SHMT1: variants seen among roughly 807,000 people sequenced by gnomAD.
SHMT1 encodes serine hydroxymethyltransferase, cytosolic.
In SHMT1, 45 loss-of-function variants were observed where a neutral mutation model predicts 49.0. The observed-to-expected ratio is 0.92, with a 90% CI of 0.72 to 1.18. The LOEUF (loss-of-function observed/expected upper bound fraction) is 1.18, where lower values mean the gene tolerates loss of function less well. Among genes scored for constraint, SHMT1 ranks in the 50% most tolerant of loss-of-function variants. The pLI is 0.00. For synonymous variants in SHMT1, 232 were observed against 246.6 expected, an observed-to-expected ratio of 0.94 and a Z score of 0.55; for missense variants, 541 against 612.4, an observed-to-expected ratio of 0.88 and a Z score of 1.23.
At chr17:18,356,334 G>A (rs994602200) in intron 1 of SHMT1, among the ~76,000 whole-genome samples, 8 of 151,658 alleles carry the variant, frequency 5.3e-5, no homozygotes, top group East Asian at 1.9e-4. Context: ...CAGCCACCGC[G>A]CCCCACCTAT....
At chr17:18,348,726 G>C in intron 3 of SHMT1, 1 of 541,806 alleles carries the variant, frequency 1.8e-6, no homozygotes, top group Non-Finnish European at 3.6e-6. Context: ...TATAATCCCA[G>C]CACTTTGAGG....
At chr17:18,336,766 G>C (rs940547196) in intron 7 of SHMT1, among the ~76,000 whole-genome samples, 1 of 151,988 alleles carries the variant, frequency 6.6e-6, no homozygotes, top group Non-Finnish European at 1.5e-5. Context: ...GCAACAAAGA[G>C]AGAACCCATG....
At chr17:18,346,757 G>A (rs1000321158) in intron 5 of SHMT1, among the ~76,000 whole-genome samples, 3 of 152,134 alleles carry the variant, frequency 2.0e-5, no homozygotes, top group Non-Finnish European at 4.4e-5. Context: ...GGACACTGTG[G>A]TACCCTCCAC....
At chr17:18,358,993 T>C (rs1335191343) in intron 1 of SHMT1, among the ~76,000 whole-genome samples, 1 of 152,108 alleles carries the variant, frequency 6.6e-6, no homozygotes, top group Admixed American at 6.6e-5. Context: ...CAGTGGCTCA[T>C]GCCTGTAATC....
At chr17:18,351,862 A>G (rs185445544) in intron 3 of SHMT1, among the ~76,000 whole-genome samples, 20 of 151,964 alleles carry the variant, frequency 1.3e-4, no homozygotes, top group Admixed American at 5.2e-4. Flanking sequence ...TTTTAAATTT[A>G]GAAACAGGGT....
At chr17:18,355,349 G>A (rs181131243) in intron 2 of SHMT1, among the ~76,000 whole-genome samples, 54 of 123,566 alleles carry the variant, frequency 4.4e-4, no homozygotes, top group African/African-American at 1.4e-3. Flanking sequence ...CAGCCTGGGC[G>A]ACAGAGCAAG....
intron 8 of SHMT1, among the ~76,000 whole-genome samples, chr17:18,335,158 G>A (rs1983651480): frequency 6.6e-6 from 1 of 152,224 alleles, no homozygotes. Flanking sequence ...CACTGGTGCA[G>A]GGTGTGAGGA....
chr17:18,356,985 T>G (rs978318579), intron 1 of SHMT1, among the ~76,000 whole-genome samples: 9 of 151,926 alleles, frequency 5.9e-5, no homozygotes, highest in Non-Finnish European at 2.9e-5. Context: ...CTGCTATACA[T>G]GAAGAATATT....
intron 5 of SHMT1, among the ~76,000 whole-genome samples, chr17:18,345,040 G>A (rs1202515370): frequency 6.6e-6 from 1 of 152,136 alleles, no homozygotes; most frequent in Non-Finnish European, 1.5e-5. Flanking sequence ...ATGCCAATAA[G>A]GTCTGTCTCC....
At chr17:18,362,117 C>A (rs925275123) in intron 1 of SHMT1, among the ~76,000 whole-genome samples, 1 of 152,162 alleles carries the variant, frequency 6.6e-6, no homozygotes, top group African/African-American at 2.4e-5. Context: ...GTGTTCTCTT[C>A]TTTACAGAAG....
At chr17:18,344,323 A>G (rs1479749940) in intron 5 of SHMT1, among the ~76,000 whole-genome samples, 3 of 152,058 alleles carry the variant, frequency 2.0e-5, no homozygotes, top group Non-Finnish European at 4.4e-5. Flanking sequence ...TGAATTTGGC[A>G]AAGAAACCGT....
At chr17:18,346,684 G>A (rs1441424424) in intron 5 of SHMT1, among the ~76,000 whole-genome samples, 2 of 152,240 alleles carry the variant, frequency 1.3e-5, no homozygotes, top group East Asian at 3.9e-4. Context: ...AGTCAAAAAT[G>A]CATGTAATAT....
chr17:18,340,219 C>T lies in SHMT1; in HGVS notation c.638G>A (p.Arg213Gln), dbSNP rs751411750. Residue 213 changes from arginine (R) to glutamine (Q), a missense_variant, in exon 7 of 12, where the codon CGG (arginine) becomes CAG (glutamine). Coordinates refer to ENST00000316694, the MANE Select transcript of SHMT1 (RefSeq NM_004169.5). The surrounding 1 kb of genome is among the most constrained non-coding windows in gnomAD (Gnocchi z 4.5). ...GTTCTCATCTGCAATCTTCCGTAGC[C>T]GGGCATATTCCAGGTTTCGGGAGTA... is the stretch of plus-strand genomic sequence containing the variant. ...SCYSRNLEYA[R>Q]LRKIADENGA... is the part of the protein sequence containing the mutation. 13 of 1,614,222 alleles carry T rather than the reference C, an allele frequency of 8.1e-6. No homozygotes were observed. The highest frequency in any genetic ancestry group is 6.7e-5 in the Admixed American group (4 of 60,024).
chr17:18,329,495 G>A, intron 10 of SHMT1, 107 bp from the exon 11 acceptor site: 1 of 870,092 alleles, frequency 1.1e-6, no homozygotes, highest in South Asian at 1.4e-5. Context: ...TGAGGATACT[G>A]GCTGTCCCTA....
intron 4 of SHMT1, among the ~76,000 whole-genome samples, chr17:18,347,978 C>T (rs1276630351): frequency 6.8e-6 from 1 of 146,604 alleles, no homozygotes; most frequent in Non-Finnish European, 1.5e-5. Context: ...AATGCAATGG[C>T]GCCATCTCGG....
At chr17:18,360,207 C>T (rs1410560748) in intron 1 of SHMT1, among the ~76,000 whole-genome samples, 2 of 151,998 alleles carry the variant, frequency 1.3e-5, no homozygotes, top group Admixed American at 1.3e-4. Flanking sequence ...CGAGATCATA[C>T]CATTGCACTC....
chr17:18,357,957 G>A (rs1402502047), intron 1 of SHMT1, among the ~76,000 whole-genome samples: 8 of 145,294 alleles, frequency 5.5e-5, no homozygotes, highest in African/African-American at 1.0e-4. Context: ...TCCACCTCCC[G>A]GGTTCATGCC....
intron 3 of SHMT1, among the ~76,000 whole-genome samples, chr17:18,350,621 A>G (rs974382095): frequency 5.9e-5 from 9 of 151,966 alleles, no homozygotes; most frequent in Admixed American, 5.9e-4. Flanking sequence ...TGGGCAAGAC[A>G]ACGAGACCTT....
At chr17:18,354,889 T>G (rs599147) in intron 2 of SHMT1, among the ~76,000 whole-genome samples, 1 of 134,836 alleles carries the variant, frequency 7.4e-6, no homozygotes, top group East Asian at 2.3e-4. Context: ...AAAAAAAAAA[T>G]AATACAAAAA....
Sources: gnomAD v4.1 joint callset for allele counts (sites outside exome capture counted in the v4.1 genomes callset) on GRCh38, gnomAD v4.1.1 for gene constraint, Gnocchi (gnomAD v3.1) non-coding constraint, MANE v1.5 for transcripts, NCBI Gene and HGNC (gene_info 2026-07-23, HGNC 2026-07-21) for gene names.